The following STOX2 variants were observed in gnomAD, a reference collection of about 807,000 sequenced individuals.
STOX2 encodes storkhead-box protein 2.
STOX2 carries 28 observed loss-of-function variants against 60.9 expected under a neutral mutation model. The ratio of observed to expected loss-of-function variants is 0.46; its 90% CI spans 0.34 to 0.63. The LOEUF (loss-of-function observed/expected upper bound fraction) is 0.63, where lower values mean the gene tolerates loss of function less well. STOX2 is among the 30% of genes least tolerant of loss of function. The pLI is 0.01. For synonymous variants in STOX2, 472 were observed against 463.9 expected (o/e 1.02, Z -0.22); for missense variants, 1,024 against 1,187.7 (o/e 0.86, Z 2.03).
chr4:183,882,078 AG>A (rs371673625), intron 1 of STOX2, among the ~76,000 whole-genome samples: 6 of 152,364 alleles, frequency 3.9e-5, no homozygotes, highest in Admixed American at 1.3e-4. Flanking sequence ...GACAGATACT[AG>A]GACTTCAGGT....
intron 1 of STOX2, among the ~76,000 whole-genome samples, chr4:183,828,736 G>A (rs564708214): frequency 6.6e-6 from 1 of 152,336 alleles, no homozygotes; most frequent in South Asian, 2.1e-4. Flanking sequence ...ATGAACTTCT[G>A]TGAAATACTT....
At chr4:183,809,666 A>G (rs1443335773) in intron 1 of STOX2, among the ~76,000 whole-genome samples, 1 of 152,166 alleles carries the variant, frequency 6.6e-6, no homozygotes, top group Non-Finnish European at 1.5e-5. Context: ...CAAAGTGCTG[A>G]AATTACAGGT....
intron 1 of STOX2, among the ~76,000 whole-genome samples, chr4:183,900,277 G>C (rs368411376): frequency 6.6e-6 from 1 of 152,150 alleles, no homozygotes; most frequent in African/African-American, 2.4e-5. Context: ...ACGTCCTTTT[G>C]CAGTAGCCCA....
intron 1 of STOX2, among the ~76,000 whole-genome samples, chr4:183,977,095 G>A (rs1006088217): frequency 6.6e-6 from 1 of 152,108 alleles, no homozygotes; most frequent in African/African-American, 2.4e-5. Context: ...TGGATATATT[G>A]TGTAGTGGTA....
At position 184,017,328 on chromosome 4, in the gene STOX2, A is replaced by G; in HGVS notation, c.*44A>G. On this transcript the variant is annotated 3_prime_UTR_variant, in exon 4 of 4. Transcript: ENST00000308497. ...TCTTCTGTCTCATTCGATACAGCAAAGTTTACGACACTGGGACTGATGTTT... is the reference window on the plus strand; with the variant it reads ...TCTTCTGTCTCATTCGATACAGCAAGGTTTACGACACTGGGACTGATGTTT... 1.3e-6 allele frequency: 2 copies of G among 1,488,194 alleles called. No individual in the cohort carries two copies. Among genetic ancestry groups the G allele is most frequent in the East Asian group, 2.5e-5 (1 of 40,676 alleles). 92.2% of individuals were successfully genotyped at this position (1,488,194 alleles called of 1,614,324 possible). A position where few individuals can be genotyped will look rare whatever the true frequency, so the allele number is the denominator to read the frequency against.
Position 183,825,499 on chromosome 4 carries a change from G to C in STOX2, c.364+27444G>C, listed in dbSNP as rs1335692895. Among the ~76,000 whole-genome samples, 5 of 152,172 alleles carry C rather than the reference G, an allele frequency of 3.3e-5. No homozygotes were observed. Among genetic ancestry groups the C allele is most frequent in the Admixed American group, 3.3e-4 (5 of 15,286 alleles). ...ACTGGGTGGCAGGCAACCTTCAATG[G>C]GTGAATAGACGTTCCTTCAGGCCCA... On this transcript the variant is annotated intron_variant, in intron 1 of 2. Transcript: ENST00000513034. The surrounding 1 kb of genome is among the most constrained non-coding windows in gnomAD (Gnocchi z 4.1).
intron 1 of STOX2, among the ~76,000 whole-genome samples, chr4:183,839,760 A>G (rs992267254): frequency 1.3e-5 from 2 of 152,152 alleles, no homozygotes; most frequent in Admixed American, 6.5e-5. Flanking sequence ...AATATATGTG[A>G]GTTGTTTTGG....
chr4:184,004,523 C>A (rs1733740297), intron 2 of STOX2, among the ~76,000 whole-genome samples: 1 of 152,112 alleles, frequency 6.6e-6, no homozygotes, highest in African/African-American at 2.4e-5. Flanking sequence ...TGGCGTGAAC[C>A]CGGGAGGCCG....
intron 1 of STOX2, among the ~76,000 whole-genome samples, chr4:183,814,003 T>C (rs1739096559): frequency 6.6e-6 from 1 of 152,190 alleles, no homozygotes; most frequent in Admixed American, 6.5e-5. Flanking sequence ...TGCAAAATTT[T>C]GGAATATTTG....
At chr4:183,961,839 C>G (rs956986835) in intron 1 of STOX2, among the ~76,000 whole-genome samples, 1 of 152,190 alleles carries the variant, frequency 6.6e-6, no homozygotes, top group South Asian at 2.1e-4. Flanking sequence ...ATTTGTAGCA[C>G]AAAAAGGATC....
intron 1 of STOX2, among the ~76,000 whole-genome samples, chr4:183,832,279 C>G (rs1379157423): frequency 1.3e-5 from 2 of 151,948 alleles, no homozygotes; most frequent in Non-Finnish European, 2.9e-5. Flanking sequence ...CAGGAGCCAC[C>G]ACACCTGGCC....
intron 1 of STOX2, among the ~76,000 whole-genome samples, chr4:183,923,298 G>A (rs1435964360): frequency 6.6e-6 from 1 of 152,124 alleles, no homozygotes; most frequent in Non-Finnish European, 1.5e-5. Context: ...GTTATTTTCT[G>A]TTTTTTTCCT....
At chr4:183,990,578 ATTTTTTTTTTTTTT>A (rs57369052) in intron 1 of STOX2, among the ~76,000 whole-genome samples, 13 of 82,482 alleles carry the variant, frequency 1.6e-4, no homozygotes, top group South Asian at 1.3e-3. Flanking sequence ...AAAAAGCAGG[ATTTTTTTTTTTTTT>A]TTTTTTTTTT....
intron 1 of STOX2, among the ~76,000 whole-genome samples, chr4:183,879,846 G>A (rs1340983656): frequency 6.6e-6 from 1 of 151,936 alleles, no homozygotes; most frequent in Non-Finnish European, 1.5e-5. Flanking sequence ...AACGTGGGGG[G>A]ATGGCGCATG....
At chr4:183,847,846 G>A (rs957326639) in intron 1 of STOX2, among the ~76,000 whole-genome samples, 1 of 152,136 alleles carries the variant, frequency 6.6e-6, no homozygotes, top group African/African-American at 2.4e-5. Flanking sequence ...CCTATTCCAC[G>A]ATTTTCGCTG....
At chr4:183,844,773 A>C (rs144870132) in intron 1 of STOX2, among the ~76,000 whole-genome samples, 42 of 152,344 alleles carry the variant, frequency 2.8e-4, no homozygotes, top group African/African-American at 8.9e-4. Flanking sequence ...AGGAGTTAGC[A>C]TGTTCATTCA....
rs151239396 is a variant in STOX2 at position 183,828,761 on chromosome 4, A to C, written c.364+30706A>C. Among the ~76,000 whole-genome samples, 952 of 152,344 alleles carry C rather than the reference A, an allele frequency of 6.2e-3. 7 individuals are homozygous for C. The highest frequency in any genetic ancestry group is 0.022 in the African/African-American group (894 of 41,580). The stretch of plus-strand genomic sequence containing the variant: ...GTGAAATACTTCTGTTTGCTTTGAA[A>C]TTATTCATCACTTTGTTTGGGGGAC... On this transcript the variant is annotated intron_variant, in intron 1 of 2. Transcript: ENST00000513034.
intron 1 of STOX2, among the ~76,000 whole-genome samples, chr4:183,817,603 G>T (rs932348509): frequency 6.6e-6 from 1 of 152,154 alleles, no homozygotes; most frequent in African/African-American, 2.4e-5. Context: ...TTATAAACAG[G>T]TTTTAAAATA....
At chr4:183,810,575 G>C (rs761925442) in intron 1 of STOX2, among the ~76,000 whole-genome samples, 26 of 152,196 alleles carry the variant, frequency 1.7e-4, no homozygotes, top group Non-Finnish European at 3.4e-4. Flanking sequence ...TCGTATCTTG[G>C]AATCTAATCC....
Sources: gnomAD v4.1 joint callset for allele counts (sites outside exome capture counted in the v4.1 genomes callset) on GRCh38, gnomAD v4.1.1 for gene constraint, Gnocchi (gnomAD v3.1) non-coding constraint, MANE v1.5 for transcripts, NCBI Gene and HGNC (gene_info 2026-07-23, HGNC 2026-07-21) for gene names.